FHIT: variants seen among roughly 807,000 people sequenced by gnomAD.
FHIT encodes fragile histidine triad diadenosine triphosphatase, also known as bis(5'-adenosyl)-triphosphatase.
A neutral mutation model predicts 17.9 loss-of-function variants in FHIT; 19 were observed. The observed-to-expected ratio is 1.06, with a 90% CI of 0.74 to 1.56. The LOEUF is 1.56. FHIT is among the 40% of genes most tolerant of loss of function. The pLI is 0.00. For synonymous variants in FHIT, 81 were observed against 69.7 expected (o/e 1.16, Z -0.81); for missense variants, 248 against 189.2 (o/e 1.31, Z -1.82).
chr3:59,818,450 G>C (rs1700678886), intron 8 of FHIT, among the ~76,000 whole-genome samples: 2 of 152,122 alleles, frequency 1.3e-5, no homozygotes, highest in Admixed American at 6.5e-5. Flanking sequence ...TCTCTTCAAA[G>C]GAAGATGGTG....
chr3:59,970,917 A>AT (rs1283544415), intron 7 of FHIT, among the ~76,000 whole-genome samples: 5 of 55,070 alleles, frequency 9.1e-5, no homozygotes, highest in Admixed American at 8.8e-4. Flanking sequence ...ACAAGCAGGG[A>AT]TTAAAAAAAA....
At chr3:60,765,602 T>C (rs900731269) in intron 4 of FHIT, 1 of 152,168 alleles carries the variant, frequency 6.6e-6, no homozygotes, top group African/African-American at 2.4e-5. Context: ...ATCCAGGAAG[T>C]TCTTTACAGG....
chr3:60,098,944 CA>C (rs1255161561), intron 5 of FHIT, among the ~76,000 whole-genome samples: 1 of 152,068 alleles, frequency 6.6e-6, no homozygotes, highest in Non-Finnish European at 1.5e-5. Flanking sequence ...GTTAGCTCAC[CA>C]ATGTTTACCT....
At chr3:60,652,727 CAAAAAA>C (rs782637479) in intron 4 of FHIT, among the ~76,000 whole-genome samples, 15 of 58,996 alleles carry the variant, frequency 2.5e-4, no homozygotes, top group African/African-American at 8.7e-4. Flanking sequence ...GACTCCATCT[CAAAAAA>C]AAAAAAAAAA....
intron 3 of FHIT, among the ~76,000 whole-genome samples, chr3:60,992,537 T>G (rs2030326805): frequency 6.6e-6 from 1 of 152,186 alleles, no homozygotes; most frequent in African/African-American, 2.4e-5. Context: ...TTCCCGTTTC[T>G]AAGTTAAACA....
At chr3:60,172,858 C>T (rs1275776179) in intron 5 of FHIT, among the ~76,000 whole-genome samples, 3 of 152,092 alleles carry the variant, frequency 2.0e-5, no homozygotes, top group African/African-American at 7.2e-5. Context: ...AGAAACAAAA[C>T]TGGATATATT....
At chr3:60,821,836 C>T (rs1701939951) in intron 4 of FHIT, 83 bp downstream of exon 4, 1 of 152,092 alleles carries the variant, frequency 6.6e-6, no homozygotes, top group African/African-American at 2.4e-5. Context: ...TACATAGGAA[C>T]ATTACTACTA....
At chr3:60,726,327 C>T (rs1350295730) in intron 4 of FHIT, among the ~76,000 whole-genome samples, 4 of 152,124 alleles carry the variant, frequency 2.6e-5, no homozygotes, top group Non-Finnish European at 5.9e-5. Flanking sequence ...GATATGAAGT[C>T]AATTACTTCC....
chr3:59,783,629 A>T (rs1188137833), intron 8 of FHIT, among the ~76,000 whole-genome samples: 1 of 152,176 alleles, frequency 6.6e-6, no homozygotes, highest in African/African-American at 2.4e-5. Flanking sequence ...TTTGGGTCAG[A>T]TAATTCTTAG....
At chr3:60,704,132 T>C (rs765158722) in intron 4 of FHIT, among the ~76,000 whole-genome samples, 1 of 152,114 alleles carries the variant, frequency 6.6e-6, no homozygotes, top group Non-Finnish European at 1.5e-5. Flanking sequence ...ATAAAATGAA[T>C]CATCAAGGGA....
intron 4 of FHIT, among the ~76,000 whole-genome samples, chr3:60,605,622 TA>T (rs1356073158): frequency 6.6e-6 from 1 of 152,220 alleles, no homozygotes; most frequent in Non-Finnish European, 1.5e-5. Context: ...AGGCTAAAAC[TA>T]CAGCAATTAA....
At chr3:60,677,263 T>C (rs1296152059) in intron 4 of FHIT, among the ~76,000 whole-genome samples, 2 of 152,328 alleles carry the variant, frequency 1.3e-5, no homozygotes, top group Non-Finnish European at 2.9e-5. Flanking sequence ...GGGCTTTTAA[T>C]GTAATCAACA....
At chr3:60,466,495 T>C (rs747150235) in intron 5 of FHIT, among the ~76,000 whole-genome samples, 17 of 152,068 alleles carry the variant, frequency 1.1e-4, no homozygotes, top group Non-Finnish European at 2.1e-4. Context: ...CCCTTCACTA[T>C]ATTAGCTGTG....
intron 7 of FHIT, among the ~76,000 whole-genome samples, chr3:59,941,426 C>G (rs1227562586): frequency 6.6e-6 from 1 of 152,176 alleles, no homozygotes; most frequent in East Asian, 1.9e-4. Flanking sequence ...TATGATCTCT[C>G]TCTCTTTCTC....
intron 5 of FHIT, among the ~76,000 whole-genome samples, chr3:60,247,517 T>C (rs577042554): frequency 1.3e-5 from 2 of 152,298 alleles, no homozygotes; most frequent in East Asian, 3.9e-4. Flanking sequence ...TTTTCTGTCA[T>C]TAAATGTTTT....
At chr3:60,108,538 C>T (rs1704526556) in intron 5 of FHIT, among the ~76,000 whole-genome samples, 2 of 152,178 alleles carry the variant, frequency 1.3e-5, no homozygotes, top group African/African-American at 4.8e-5. Context: ...CCAGCTCCTG[C>T]TACTGACCAC....
At chr3:60,343,168 T>C (rs1421961750) in intron 5 of FHIT, among the ~76,000 whole-genome samples, 1 of 152,138 alleles carries the variant, frequency 6.6e-6, no homozygotes, top group African/African-American at 2.4e-5. Context: ...TCAACATAAA[T>C]TGCCCTGTGT....
chr3:60,713,244 A>C (rs1258862623), intron 4 of FHIT, among the ~76,000 whole-genome samples: 3 of 150,590 alleles, frequency 2.0e-5, no homozygotes, highest in African/African-American at 7.3e-5. Context: ...ACAAAGACAC[A>C]ACATACCAGA....
chr3:60,985,337 C>T (rs1710673845), intron 3 of FHIT, among the ~76,000 whole-genome samples: 1 of 152,092 alleles, frequency 6.6e-6, no homozygotes, highest in Admixed American at 6.6e-5. Flanking sequence ...AAGTAATATA[C>T]TTACAGTGGT....
Sources: allele counts gnomAD v4.1 joint callset (sites outside exome capture counted in the v4.1 genomes callset), GRCh38; gene constraint gnomAD v4.1.1; transcripts MANE v1.5; gene names NCBI Gene and HGNC (gene_info 2026-07-23, HGNC 2026-07-21).